INO80C: variants seen among roughly 807,000 people sequenced by gnomAD.
The protein encoded by INO80C is IES6 homolog.
Under a neutral mutation model 17.7 loss-of-function variants are expected in INO80C, and 17 were observed. The ratio of observed to expected loss-of-function variants is 0.96; its 90% CI spans 0.66 to 1.44. The LOEUF is 1.44. INO80C is among the 40% of genes most tolerant of loss of function. INO80C has a pLI of 0.00. For missense variants in INO80C, 244 were observed against 245.0 expected (o/e 1.00, Z 0.03); for synonymous variants, 96 against 95.8 (o/e 1.00, Z -0.01).
chr18:35,480,820 G>A (rs991023411), intron 1 of INO80C, among the ~76,000 whole-genome samples: 1 of 152,222 alleles, frequency 6.6e-6, no homozygotes, highest in African/African-American at 2.4e-5. Flanking sequence ...CCAAGCACAG[G>A]GATGGCTGTC....
At position 35,497,556 on chromosome 18, in the gene INO80C, C is replaced by T. The variant is rs892073299; in HGVS notation, c.156+163G>A. 17 of 1,415,838 alleles carry T rather than the reference C, an allele frequency of 1.2e-5. No homozygotes were observed. In the African/African-American group the frequency reaches 2.2e-4, roughly 18 times the overall value. 87.7% of individuals were successfully genotyped at this position (1,415,838 alleles called of 1,614,324 possible). On this transcript the variant is annotated intron_variant, in intron 1 of 4. Coordinates refer to ENST00000334598, the MANE Select transcript of INO80C (RefSeq NM_194281.4). Reference sequence around the variant, plus strand: ...GGCGTTGTAAGCCCATGTGTCCAAACGAAGGGAAAGAGTAGTCATTCACTC... The same window carrying T: ...GGCGTTGTAAGCCCATGTGTCCAAATGAAGGGAAAGAGTAGTCATTCACTC...
At chr18:35,468,785 G>A in intron 4 of INO80C, 43 bp from the exon 5 acceptor site, 2 of 1,571,598 alleles carry the variant, frequency 1.3e-6, no homozygotes, top group South Asian at 2.3e-5. Flanking sequence ...AGTTTTTGCT[G>A]GTAGGGATAT....
At chr18:35,473,692 C>T (rs1156501550) in intron 4 of INO80C, among the ~76,000 whole-genome samples, 2 of 152,148 alleles carry the variant, frequency 1.3e-5, no homozygotes, top group Admixed American at 6.5e-5. Context: ...CTATAACACT[C>T]CTGGCACCTA....
At chr18:35,478,846 A>T in intron 3 of INO80C, 1 of 181,060 alleles carries the variant, frequency 5.5e-6, no homozygotes, top group South Asian at 1.2e-4. Context: ...GCTGAACAGA[A>T]CATATAACAG....
Position 35,480,562 on chromosome 18 carries a change from C to T in INO80C, c.158G>A (p.Gly53Asp), listed in dbSNP as rs150273392. 69 of 1,601,690 alleles carry T rather than the reference C, an allele frequency of 4.3e-5. No individual in the cohort carries two copies. In the African/African-American group the frequency reaches 8.8e-4, roughly 20 times the overall value. ...KKASASSFAQ[G>D]ISMEAMSENK... ...CTCACTCATGGCTTCCATGCTGATA[C>T]CCTTAAAACATAATAAAAATAGTTT... is the stretch of plus-strand genomic sequence containing the variant. The change falls in exon 2 of 5, where the codon GGT becomes GAT. Residue 53 changes from glycine (G) to aspartate (D), a missense_variant and splice_region_variant. Physicochemically the swap from Gly to Asp is moderately conservative, Grantham distance 94 (BLOSUM62 -1). Coordinates refer to ENST00000334598, the MANE Select transcript of INO80C (RefSeq NM_194281.4).
At chr18:35,478,973 T>G (rs772108883) in intron 3 of INO80C, 21 of 222,816 alleles carry the variant, frequency 9.4e-5, no homozygotes, top group Non-Finnish European at 1.5e-4. Flanking sequence ...AATCTGGTAT[T>G]ATACTTGGGC....
chr18:35,481,727 T>A (rs1415916242), intron 1 of INO80C, among the ~76,000 whole-genome samples: 1 of 152,020 alleles, frequency 6.6e-6, no homozygotes, highest in Non-Finnish European at 1.5e-5. Context: ...CTACTAAAAA[T>A]ACAAAAATTA....
chr18:35,477,598 A>G (rs970499263), intron 4 of INO80C, among the ~76,000 whole-genome samples: 1 of 152,254 alleles, frequency 6.6e-6, no homozygotes, highest in African/African-American at 2.4e-5. Context: ...AAAACAAAAC[A>G]AAACAAAAAA....
chr18:35,497,626 C>T, intron 1 of INO80C, 93 bp downstream of exon 1: 4 of 1,487,446 alleles, frequency 2.7e-6, no homozygotes, highest in African/African-American at 1.4e-5. Context: ...GCACGCGCAG[C>T]GCCCCACATT....
chr18:35,490,851 G>A (rs961658558), intron 1 of INO80C, among the ~76,000 whole-genome samples: 3 of 152,118 alleles, frequency 2.0e-5, no homozygotes, highest in African/African-American at 2.4e-5. Context: ...AACCTCCTGG[G>A]CTCAAGCCAT....
intron 1 of INO80C, among the ~76,000 whole-genome samples, chr18:35,490,957 A>C (rs1289825265): frequency 6.6e-6 from 1 of 152,144 alleles, no homozygotes; most frequent in East Asian, 1.9e-4. Flanking sequence ...ACAAGGTTTC[A>C]CCATGTTGCC....
At chr18:35,496,523 G>A (rs897929349) in intron 1 of INO80C, among the ~76,000 whole-genome samples, 1 of 152,206 alleles carries the variant, frequency 6.6e-6, no homozygotes, top group African/African-American at 2.4e-5. Flanking sequence ...GGCCATAGGT[G>A]TATACAAATG....
At chr18:35,485,000 G>C (rs1179456005) in intron 1 of INO80C, among the ~76,000 whole-genome samples, 1 of 152,134 alleles carries the variant, frequency 6.6e-6, no homozygotes, top group Non-Finnish European at 1.5e-5. Context: ...CAAGAACAAC[G>C]TGTTGACAAG....
intron 4 of INO80C, among the ~76,000 whole-genome samples, chr18:35,471,614 TTTA>T (rs1166934377): frequency 1.3e-5 from 2 of 152,106 alleles, no homozygotes; most frequent in African/African-American, 4.8e-5. Flanking sequence ...TTTTTTTAAT[TTTA>T]TTATTATTAA....
At chr18:35,472,254 T>C (rs1307726120) in intron 4 of INO80C, among the ~76,000 whole-genome samples, 3 of 152,208 alleles carry the variant, frequency 2.0e-5, no homozygotes, top group Non-Finnish European at 4.4e-5. Flanking sequence ...CCACATCCTC[T>C]CCAGCACCTG....
intron 1 of INO80C, among the ~76,000 whole-genome samples, chr18:35,493,528 A>G (rs1018828727): frequency 5.3e-5 from 8 of 152,218 alleles, no homozygotes; most frequent in African/African-American, 1.9e-4. Flanking sequence ...TTGTACTACT[A>G]AATTATTTAA....
chr18:35,471,539 C>T (rs541629907), intron 4 of INO80C, among the ~76,000 whole-genome samples: 125 of 152,260 alleles, frequency 8.2e-4, no homozygotes, highest in African/African-American at 2.9e-3. Context: ...TTGCTTCCAG[C>T]ATTTTGCGAA....
chr18:35,484,036 T>G (rs115126694), intron 1 of INO80C, among the ~76,000 whole-genome samples: 2,405 of 152,190 alleles, frequency 0.016, 78 homozygotes, highest in African/African-American at 0.054. Flanking sequence ...CACACTGAAG[T>G]GGAGGCAAGG....
At chr18:35,479,520 C>T in intron 2 of INO80C, 109 bp from the exon 3 acceptor site, 1 of 675,524 alleles carries the variant, frequency 1.5e-6, no homozygotes, top group Non-Finnish European at 2.6e-6. Flanking sequence ...CATCTGTCAA[C>T]AATCATTAAG....
Sources: allele counts gnomAD v4.1 joint callset (sites outside exome capture counted in the v4.1 genomes callset), GRCh38; gene constraint gnomAD v4.1.1; transcripts MANE v1.5; gene names NCBI Gene and HGNC (gene_info 2026-07-23, HGNC 2026-07-21).